Variants in ARFGEF1 observed in about 807,000 individuals in gnomAD.
ARFGEF1 encodes the protein brefeldin A-inhibited guanine nucleotide-exchange protein 1.
In ARFGEF1, 42 loss-of-function variants were observed where a neutral mutation model predicts 231.0. The observed-to-expected ratio is 0.18, with a 90% CI of 0.14 to 0.24. The LOEUF is 0.24. ARFGEF1 is among the 10% of genes least tolerant of loss of function. The probability of loss-of-function intolerance (pLI) is 1.00; values close to 1 mark genes in which losing one functional copy is unlikely to be tolerated. For missense variants in ARFGEF1, 1,345 were observed against 2,192.0 expected (o/e 0.61, Z 7.72); for synonymous variants, 710 against 732.3 (o/e 0.97, Z 0.49).
chr8:67,250,089 A>G (rs1165738227), intron 19 of ARFGEF1, among the ~76,000 whole-genome samples: 2 of 152,352 alleles, frequency 1.3e-5, no homozygotes, highest in East Asian at 3.9e-4. Flanking sequence ...GAAGAGATCT[A>G]GCGATGGAAT....
In ARFGEF1 at chr8:67,201,716, C is replaced by T. The variant is rs1587023694; in HGVS notation, c.5129-111G>A. 7.7e-6 allele frequency: 11 copies of T among 1,430,960 alleles called. No homozygotes were observed. The East Asian group carries it at 2.7e-4, about 34-fold the overall frequency. The allele number at this position is 1,430,960 out of a possible 1,614,324, so 88.6% of individuals were successfully genotyped here. ...TGTGCTCAGCCATCAGCATCTGCTG[C>T]TTACAAAACGGAGCCACAGCAGCCT... is the stretch of plus-strand genomic sequence containing the variant. On this transcript the variant is annotated intron_variant, in intron 36 of 38. Transcript: ENST00000262215.
intron 5 of ARFGEF1, among the ~76,000 whole-genome samples, chr8:67,184,132 C>T (rs1039410171): frequency 8.4e-4 from 128 of 152,194 alleles, no homozygotes; most frequent in African/African-American, 3.0e-3. Flanking sequence ...GGATTATAGG[C>T]GTGAGCCACT....
At chr8:67,256,554 C>T (rs966089017) in intron 17 of ARFGEF1, among the ~76,000 whole-genome samples, 4 of 152,082 alleles carry the variant, frequency 2.6e-5, no homozygotes, top group African/African-American at 9.7e-5. Flanking sequence ...TCCAATACAT[C>T]TCAGATTAGA....
chr8:67,313,558 G>A (rs373045891), intron 1 of ARFGEF1, among the ~76,000 whole-genome samples: 5 of 152,164 alleles, frequency 3.3e-5, no homozygotes, highest in East Asian at 3.9e-4. Flanking sequence ...TCTCTCTTCT[G>A]GGTCTAGCCA....
intron 14 of ARFGEF1, among the ~76,000 whole-genome samples, chr8:67,261,681 G>A (rs1804628572): frequency 6.6e-6 from 1 of 152,140 alleles, no homozygotes; most frequent in African/African-American, 2.4e-5. Context: ...GAGTGATTTT[G>A]TTTTTGCAGA....
chr8:67,256,724 A>C (rs914361937), intron 17 of ARFGEF1, among the ~76,000 whole-genome samples: 5 of 152,220 alleles, frequency 3.3e-5, no homozygotes, highest in African/African-American at 4.8e-5. Flanking sequence ...TAAAACTTTA[A>C]ATCAAACTTT....
chr8:67,263,395 T>A (rs945367124), intron 14 of ARFGEF1, among the ~76,000 whole-genome samples: 5 of 152,192 alleles, frequency 3.3e-5, no homozygotes, highest in Admixed American at 3.3e-4. Context: ...AAAACAGAAA[T>A]CTGATGATGC....
chr8:67,337,061 G>A (rs1176336882), intron 1 of ARFGEF1, among the ~76,000 whole-genome samples: 2 of 148,042 alleles, frequency 1.4e-5, no homozygotes, highest in African/African-American at 5.0e-5. Context: ...CTCGGGAGGC[G>A]GAGCTTGCAG....
At chr8:67,335,830 T>C (rs1005822042) in intron 1 of ARFGEF1, among the ~76,000 whole-genome samples, 2 of 151,824 alleles carry the variant, frequency 1.3e-5, no homozygotes, top group African/African-American at 4.8e-5. Flanking sequence ...CACTGCAACC[T>C]CCGCCTTCCA....
chr8:67,263,444 C>T (rs529938836), intron 14 of ARFGEF1, among the ~76,000 whole-genome samples: 1 of 152,132 alleles, frequency 6.6e-6, no homozygotes, highest in African/African-American at 2.4e-5. Flanking sequence ...CACGCTAGCG[C>T]CAAGAGGAAC....
chr8:67,181,078 C>A (rs913461060), intron 5 of ARFGEF1, among the ~76,000 whole-genome samples: 1 of 151,874 alleles, frequency 6.6e-6, no homozygotes, highest in African/African-American at 2.4e-5. Flanking sequence ...TGCTCTGTCG[C>A]CCAGGCTGGA....
chr8:67,194,837 TTGAC>T (rs2129576393), downstream of ARFGEF1, among the ~76,000 whole-genome samples: 1 of 152,318 alleles, frequency 6.6e-6, no homozygotes, highest in African/African-American at 2.4e-5. Context: ...TACCTCTTCA[TTGAC>T]TGGACACGGC....
rs773167167 is a variant in ARFGEF1 at position 67,226,161 on chromosome 8, A to G, written c.3939T>C (p.Phe1313=). 1.9e-6 allele frequency: 3 copies of G among 1,607,174 alleles called. No individual in the cohort carries two copies. The highest frequency in any genetic ancestry group is 1.3e-5 in the African/African-American group (1 of 74,630). Residue 1313 remains phenylalanine (F), a synonymous_variant, in exon 28 of 39, where the codon TTT becomes TTC. Transcript: ENST00000262215. ...CCTGGAAAGAATCAATGGTCGCTGG[A>G]AAGTGTTTTTCAAATACAAGGGCTA... ...HIVTLVFEKH[F]PATIDSFQDA...
intron 5 of ARFGEF1, among the ~76,000 whole-genome samples, chr8:67,185,887 A>C (rs187625627): frequency 1.1e-4 from 17 of 152,334 alleles, no homozygotes; most frequent in Admixed American, 9.8e-4. Flanking sequence ...GATCAAAAGG[A>C]CAAGAATCCT....
chr8:67,312,459 T>C (rs1003559056), intron 1 of ARFGEF1, among the ~76,000 whole-genome samples: 1 of 152,086 alleles, frequency 6.6e-6, no homozygotes, highest in Admixed American at 6.6e-5. Context: ...CCCAGAGTTA[T>C]ATAGATAATC....
intron 7 of ARFGEF1, among the ~76,000 whole-genome samples, chr8:67,286,318 C>T (rs1017650731): frequency 4.6e-5 from 7 of 152,034 alleles, no homozygotes; most frequent in Non-Finnish European, 1.0e-4. Flanking sequence ...TTCCTTTTTT[C>T]GAACTTTTCT....
At chr8:67,286,665 G>C (rs546135704) in intron 7 of ARFGEF1, among the ~76,000 whole-genome samples, 1 of 152,220 alleles carries the variant, frequency 6.6e-6, no homozygotes, top group East Asian at 1.9e-4. Flanking sequence ...GCACGGGCAT[G>C]TACTGCTATT....
At chr8:67,255,153 C>T (rs1216531749) in intron 17 of ARFGEF1, among the ~76,000 whole-genome samples, 15 of 152,188 alleles carry the variant, frequency 9.9e-5, no homozygotes, top group Admixed American at 7.9e-4. Context: ...GGATCCCATA[C>T]GTGGGCGTAC....
intron 1 of ARFGEF1, among the ~76,000 whole-genome samples, chr8:67,334,136 C>CAAAAAAAAAAAAAAAAAAAAAAAAAAAA (rs368714166): frequency 2.3e-5 from 1 of 43,730 alleles, no homozygotes; most frequent in African/African-American, 7.6e-5. Context: ...AACTCCGTCT[C>CAAAAAAAAAAAAAAAAAAAAAAAAAAAA]AAAAAAAAAA....
Sources: gnomAD v4.1 joint callset for allele counts (sites outside exome capture counted in the v4.1 genomes callset) on GRCh38, gnomAD v4.1.1 for gene constraint, MANE v1.5 for transcripts, NCBI Gene and HGNC (gene_info 2026-07-23, HGNC 2026-07-21) for gene names.